LCP1: variants seen among roughly 807,000 people sequenced by gnomAD.
LCP1 encodes the protein lymphocyte cytosolic protein 1.
LCP1 carries 23 observed loss-of-function variants against 72.0 expected under a neutral mutation model. The ratio of observed to expected loss-of-function variants is 0.32; its 90% confidence interval spans 0.23 to 0.45. The LOEUF (loss-of-function observed/expected upper bound fraction) is 0.45, where lower values mean the gene tolerates loss of function less well. Ranked by LOEUF, LCP1 falls within the 20% of genes least tolerant of loss-of-function variation. LCP1 has a pLI of 1.00. For synonymous variants in LCP1, 245 were observed against 275.4 expected, an observed-to-expected ratio of 0.89 and a Z score of 1.09; for missense variants, 571 against 748.3, an observed-to-expected ratio of 0.76 and a Z score of 2.76.
intron 8 of LCP1, among the ~76,000 whole-genome samples, chr13:46,149,326 G>T (rs2045749219): frequency 6.6e-6 from 1 of 152,140 alleles, no homozygotes; most frequent in Admixed American, 6.5e-5. Flanking sequence ...GTGAATCATT[G>T]ATGTTGCACC....
rs79475854 is a variant in LCP1, at chr13:46,135,940, C to A, written c.1503-1690G>T. Among the ~76,000 whole-genome samples the A allele has an allele frequency of 8.9e-3, 1,351 of 152,022 alleles. 22 individuals carry two copies. Among genetic ancestry groups the A allele is most frequent in the African/African-American group, 0.03 (1,253 of 41,450 alleles). On this transcript the variant is annotated intron_variant, in intron 13 of 15. Coordinates refer to ENST00000323076, the MANE Select transcript of LCP1 (RefSeq NM_002298.5). The stretch of plus-strand genomic sequence containing the variant: ...CTGCTTGGTCACATTTAATGTGATT[C>A]GACATGGCCCAAAGAATACAGGTTA...
chr13:46,169,627 A>G (rs2045894708), intron 1 of LCP1: 1 of 152,170 alleles, frequency 6.6e-6, no homozygotes. Flanking sequence ...ATTGATGCCA[A>G]ACTTAGTGCT....
intron 13 of LCP1, among the ~76,000 whole-genome samples, chr13:46,140,397 T>A (rs1319852803): frequency 6.6e-6 from 1 of 152,170 alleles, no homozygotes; most frequent in Non-Finnish European, 1.5e-5. Flanking sequence ...AATTTCATAA[T>A]ACATGAGCAT....
At chr13:46,146,148 C>A (rs1468071821) in intron 10 of LCP1, among the ~76,000 whole-genome samples, 9 of 152,072 alleles carry the variant, frequency 5.9e-5, no homozygotes, top group Admixed American at 5.9e-4. Flanking sequence ...AACCCCCTGA[C>A]CATAATTCAG....
At chr13:46,163,047 C>A (rs1381521675) in intron 1 of LCP1, among the ~76,000 whole-genome samples, 7 of 149,856 alleles carry the variant, frequency 4.7e-5, no homozygotes, top group Non-Finnish European at 8.9e-5. Context: ...CCGCCCCGTC[C>A]GGGAGGGAGG....
In LCP1 at chr13:46,134,202, A is replaced by G. The variant is rs1346885632; in HGVS notation, c.1551T>C (p.Asn517=). The G allele has an allele frequency of 6.2e-7, 1 of 1,613,050 alleles. No individual in the cohort carries two copies. Among genetic ancestry groups the G allele is most frequent in the Non-Finnish European group, 8.5e-7 (1 of 1,179,234 alleles). The change falls in exon 14 of 16, where the codon AAT becomes AAC. Residue 517 remains asparagine (N), a synonymous_variant. Coordinates refer to ENST00000323076, the MANE Select transcript of LCP1 (RefSeq NM_002298.5). ...TCACCCAGTTGACAATAATGTCATC[A>G]TTGACCTTCTGGCCACCACCAATTT... is the stretch of plus-strand genomic sequence containing the variant. ...LEEIGGGQKV[N]DDIIVNWVNE... is the part of the protein sequence containing the mutation.
intron 8 of LCP1, chr13:46,148,873 C>T (rs898384401): frequency 3.6e-6 from 2 of 553,368 alleles, no homozygotes; most frequent in African/African-American, 4.1e-5. Flanking sequence ...GTTTAAAATA[C>T]ATTTAAATGG....
At chr13:46,154,313 A>G (rs1956247870) in intron 6 of LCP1, among the ~76,000 whole-genome samples, 1 of 152,224 alleles carries the variant, frequency 6.6e-6, no homozygotes, top group Non-Finnish European at 1.5e-5. Context: ...AAATATTGGA[A>G]CACAACACAG....
intron 1 of LCP1, among the ~76,000 whole-genome samples, chr13:46,181,902 C>T (rs1024613400): frequency 6.6e-6 from 1 of 152,118 alleles, no homozygotes; most frequent in Non-Finnish European, 1.5e-5. Context: ...AAGAACCCAG[C>T]CCAGAGAGCC....
chr13:46,161,725 A>G (rs1044544844), intron 1 of LCP1, among the ~76,000 whole-genome samples: 2 of 152,262 alleles, frequency 1.3e-5, no homozygotes, highest in Non-Finnish European at 1.5e-5. Context: ...AAGAAAGCGT[A>G]ACTGAAATAA....
chr13:46,171,528 C>T (rs952015916), intron 1 of LCP1, among the ~76,000 whole-genome samples: 2 of 152,144 alleles, frequency 1.3e-5, no homozygotes, highest in Non-Finnish European at 2.9e-5. Flanking sequence ...CTGCCTGTGT[C>T]CCCCCTGCCA....
At chr13:46,152,672 T>C in intron 7 of LCP1, 108 bp downstream of exon 7, 1 of 1,073,154 alleles carries the variant, frequency 9.3e-7, no homozygotes, top group South Asian at 1.6e-5. Flanking sequence ...TCAATATAAC[T>C]GTGTAGTTTT....
chr13:46,128,301 A>G (rs2045612047), intron 15 of LCP1, among the ~76,000 whole-genome samples: 1 of 152,274 alleles, frequency 6.6e-6, no homozygotes, highest in Admixed American at 6.5e-5. Context: ...GGAAAAATGT[A>G]TAATATCCTG....
At chr13:46,153,051 T>C in intron 6 of LCP1, 106 bp from the exon 7 acceptor site, 1 of 1,097,100 alleles carries the variant, frequency 9.1e-7, no homozygotes. Context: ...GTCACAGGTT[T>C]AGAGTCATGG....
intron 1 of LCP1, among the ~76,000 whole-genome samples, chr13:46,181,178 C>T (rs1211988251): frequency 1.3e-5 from 2 of 152,132 alleles, no homozygotes; most frequent in Non-Finnish European, 2.9e-5. Flanking sequence ...AAGAAAAGTT[C>T]GGTTTTGATA....
intron 1 of LCP1, among the ~76,000 whole-genome samples, chr13:46,179,840 C>T (rs191984510): frequency 6.6e-6 from 1 of 152,118 alleles, no homozygotes; most frequent in Non-Finnish European, 1.5e-5. Context: ...TTTGTAAAGG[C>T]ACACAATTCT....
At position 46,127,569 on chromosome 13, in the gene LCP1, T is replaced by G; in HGVS notation, c.*22A>C. ...GGCAGTCAGGAGTGAGTGCACCGCC[T>G]CCCACCCAGCCCCATTGGGCCTCAC... On this transcript the variant is annotated 3_prime_UTR_variant, in exon 16 of 16. Transcript: ENST00000323076. 6.2e-7 allele frequency: 1 copy of G among 1,613,768 alleles called. No homozygotes were observed. The highest frequency in any genetic ancestry group is 1.1e-5 in the South Asian group (1 of 91,046).
At chr13:46,145,723 A>C (rs2045725752) in intron 10 of LCP1, among the ~76,000 whole-genome samples, 2 of 125,554 alleles carry the variant, frequency 1.6e-5, no homozygotes, top group South Asian at 2.2e-4. Context: ...TCCCGGCTAA[A>C]ATGGTGAAAC....
intron 5 of LCP1, among the ~76,000 whole-genome samples, chr13:46,155,108 AC>A (rs1224568291): frequency 1.3e-5 from 2 of 152,116 alleles, no homozygotes; most frequent in East Asian, 3.9e-4. Flanking sequence ...GGAAATGAGG[AC>A]CCCACTTCAT....
Sources: gnomAD v4.1 joint callset for allele counts (sites outside exome capture counted in the v4.1 genomes callset) on GRCh38, gnomAD v4.1.1 for gene constraint, MANE v1.5 for transcripts, NCBI Gene and HGNC (gene_info 2026-07-23, HGNC 2026-07-21) for gene names.